The following C11orf65 variants were observed in gnomAD, a reference collection of about 807,000 sequenced individuals.
The protein encoded by C11orf65 is chromosome 11 open reading frame 65.
A neutral mutation model predicts 35.3 loss-of-function variants in C11orf65; 38 were observed. The observed-to-expected ratio is 1.08, with a 90% CI of 0.83 to 1.41. C11orf65 has a LOEUF of 1.41. Ranked by LOEUF, C11orf65 falls within the 40% of genes most tolerant of loss-of-function variation. The pLI, the probability that C11orf65 is intolerant of heterozygous loss-of-function variation, is 0.00. For missense variants in C11orf65, 370 were observed against 367.1 expected (o/e 1.01, Z -0.06); for synonymous variants, 105 against 114.4 (o/e 0.92, Z 0.53).
chr11:108,377,604 C>T, intron 2 of C11orf65, among the ~76,000 whole-genome samples: 1 of 151,146 alleles, frequency 6.6e-6, no homozygotes. Context: ...CACTCCTATT[C>T]AACATAGTGT....
At chr11:108,353,707 C>A (rs2089482191) in intron 2 of C11orf65, 1 of 1,367,770 alleles carries the variant, frequency 7.3e-7, no homozygotes, top group Non-Finnish European at 1.0e-6. Flanking sequence ...CACATTCTAA[C>A]TGGAAAGAAA....
In C11orf65 at chr11:108,408,731, AATGAT is replaced by A. The variant is rs1326020209; in HGVS notation, c.175-1587_175-1583del. Among the ~76,000 whole-genome samples, 45 of 38,332 alleles carry A rather than the reference AATGAT, an allele frequency of 1.2e-3. 1 individual carries two copies. The highest frequency in any genetic ancestry group is 3.7e-3 in the South Asian group (4 of 1,080). The allele number at this position is 38,332 out of a possible 152,430, so 25.1% of individuals were successfully genotyped here. A position where few individuals can be genotyped will look rare whatever the true frequency, so the allele number is the denominator to read the frequency against. ...AATAAAATAAAATAAAATAAAATAA[AATGAT>A]ATAAGAATTGTATATAATAGGTTTT... On this transcript the variant is annotated intron_variant, in intron 3 of 8. Transcript: ENST00000393084.
At chr11:108,343,983 A>G (rs1484243157) in intron 2 of C11orf65, among the ~76,000 whole-genome samples, 1 of 152,178 alleles carries the variant, frequency 6.6e-6, no homozygotes, top group African/African-American at 2.4e-5. Flanking sequence ...AATATCAAAT[A>G]TTACGACTAA....
chr11:108,461,661 T>G (rs535755036), intron 1 of C11orf65, 93 bp from the exon 2 acceptor site: 2 of 841,292 alleles, frequency 2.4e-6, no homozygotes, highest in African/African-American at 3.5e-5. Flanking sequence ...ACATTCTTGC[T>G]CTGTCACCCA....
chr11:108,376,273 C>A lies in C11orf65; in HGVS notation c.226+16935G>T, dbSNP rs1002178173. On this transcript the variant is annotated intron_variant, in intron 2 of 3. Coordinates refer to the C11orf65 transcript ENST00000524755. ...AAATGTAAAAGAACAGAAATTATAA[C>A]AAACTGTCTCTCAGACCACAGTGCA... Among the ~76,000 whole-genome samples, 5 of 151,796 alleles carry A rather than the reference C, an allele frequency of 3.3e-5. No homozygotes were observed. In the East Asian group the frequency reaches 5.8e-4, roughly 18 times the overall value.
At chr11:108,332,041 T>G in intron 3 of C11orf65, 1 of 1,613,572 alleles carries the variant, frequency 6.2e-7, no homozygotes, top group Non-Finnish European at 8.5e-7. Flanking sequence ...TGATGAGGTA[T>G]TTGGATTAAA....
chr11:108,448,308 A>G (rs917064548), intron 2 of C11orf65, among the ~76,000 whole-genome samples: 2 of 152,198 alleles, frequency 1.3e-5, no homozygotes, highest in African/African-American at 2.4e-5. Context: ...TCCTGATACG[A>G]AAGCCAGGCA....
chr11:108,356,397 G>A (rs183276108), intron 2 of C11orf65, among the ~76,000 whole-genome samples: 32 of 152,136 alleles, frequency 2.1e-4, no homozygotes, highest in Non-Finnish European at 3.7e-4. Context: ...TTAGCTGGGC[G>A]TGATGGCGGG....
downstream of C11orf65, chr11:108,331,308 A>G (rs969806175): frequency 7.0e-7 from 1 of 1,430,664 alleles, no homozygotes; most frequent in Non-Finnish European, 9.1e-7. Context: ...AATGAAGGAA[A>G]ACAATATAGT....
chr11:108,399,741 A>T (rs945346459), intron 6 of C11orf65, among the ~76,000 whole-genome samples: 1 of 152,192 alleles, frequency 6.6e-6, no homozygotes, highest in Non-Finnish European at 1.5e-5. Context: ...ACACTAAAAC[A>T]GTGCTACGTA....
intron 6 of C11orf65, among the ~76,000 whole-genome samples, chr11:108,322,339 A>G (rs2085297824): frequency 6.6e-6 from 1 of 152,098 alleles, no homozygotes; most frequent in South Asian, 2.1e-4. Flanking sequence ...CTTTTAATAG[A>G]GACGGGGTTT....
intron 3 of C11orf65, among the ~76,000 whole-genome samples, chr11:108,416,160 G>A (rs2092727688): frequency 6.6e-6 from 1 of 152,046 alleles, no homozygotes; most frequent in African/African-American, 2.4e-5. Context: ...TGAAAAGACA[G>A]GTCATAAACT....
intron 5 of C11orf65, among the ~76,000 whole-genome samples, chr11:108,406,484 G>A (rs1308520662): frequency 2.6e-5 from 4 of 152,100 alleles, no homozygotes; most frequent in Admixed American, 6.6e-5. Context: ...TCTACAATCC[G>A]TATACTGGGT....
chr11:108,383,647 A>G (rs116510274), intron 8 of C11orf65, among the ~76,000 whole-genome samples: 1,948 of 152,244 alleles, frequency 0.013, 48 homozygotes, highest in African/African-American at 0.043. Context: ...ATGTTTCTCA[A>G]TCTGCTCTGG....
At chr11:108,417,430 A>C (rs2092751357) in intron 3 of C11orf65, among the ~76,000 whole-genome samples, 1 of 151,932 alleles carries the variant, frequency 6.6e-6, no homozygotes, top group African/African-American at 2.4e-5. Flanking sequence ...TGTAATTCCA[A>C]CTACTGGGGA....
intron 2 of C11orf65, among the ~76,000 whole-genome samples, chr11:108,449,749 C>A (rs2093320361): frequency 6.6e-6 from 1 of 151,958 alleles, no homozygotes; most frequent in South Asian, 2.1e-4. Flanking sequence ...GTCTGAAACA[C>A]CAAAAGCAAT....
chr11:108,427,682 A>G (rs2092923527), intron 3 of C11orf65, among the ~76,000 whole-genome samples: 1 of 104,696 alleles, frequency 9.6e-6, no homozygotes. Flanking sequence ...AGATCGCGCC[A>G]CTGCACTCCA....
intron 3 of C11orf65, among the ~76,000 whole-genome samples, chr11:108,412,098 G>A (rs1337583874): frequency 6.6e-6 from 1 of 151,954 alleles, no homozygotes; most frequent in African/African-American, 2.4e-5. Flanking sequence ...ATTAAAGTTT[G>A]CATGATGTAT....
chr11:108,385,490 G>A (rs545901783), intron 8 of C11orf65, among the ~76,000 whole-genome samples: 3 of 152,196 alleles, frequency 2.0e-5, no homozygotes, highest in South Asian at 2.1e-4. Flanking sequence ...AGACCATCCC[G>A]GCTAACACAG....
Sources: gnomAD v4.1 joint callset for allele counts (sites outside exome capture counted in the v4.1 genomes callset) on GRCh38, gnomAD v4.1.1 for gene constraint, MANE v1.5 for transcripts, NCBI Gene and HGNC (gene_info 2026-07-23, HGNC 2026-07-21) for gene names.